Variants in MCU observed in about 807,000 individuals in gnomAD.
The protein encoded by MCU is mitochondrial calcium uniporter, also known as calcium uniporter protein, mitochondrial.
In MCU, 12 loss-of-function variants were observed where a neutral mutation model predicts 45.2. That is an observed-to-expected ratio of 0.27 (90% CI 0.17 to 0.43). MCU has a LOEUF of 0.43. Ranked by LOEUF, MCU falls within the 20% of genes least tolerant of loss-of-function variation. MCU has a pLI of 1.00. For synonymous variants in MCU, 160 were observed against 165.1 expected, an observed-to-expected ratio of 0.97 and a Z score of 0.24; for missense variants, 324 against 436.7, an observed-to-expected ratio of 0.74 and a Z score of 2.30.
At chr10:72,709,447 C>T (rs981004921) in intron 1 of MCU, among the ~76,000 whole-genome samples, 1 of 152,166 alleles carries the variant, frequency 6.6e-6, no homozygotes, top group Non-Finnish European at 1.5e-5. Context: ...GATGGAATTA[C>T]ATTTTTTGGA....
chr10:72,743,394 CAG>C (rs1297023099), intron 1 of MCU, among the ~76,000 whole-genome samples: 8 of 111,710 alleles, frequency 7.2e-5, no homozygotes, highest in Admixed American at 1.4e-4. Flanking sequence ...GCCTGCATGA[CAG>C]AGTGATACTC....
intron 1 of MCU, among the ~76,000 whole-genome samples, chr10:72,713,868 A>T (rs916643773): frequency 2.7e-5 from 4 of 150,552 alleles, no homozygotes; most frequent in Non-Finnish European, 4.4e-5. Flanking sequence ...TTATTTCTTC[A>T]TTGTTTGTTA....
chr10:72,848,776 A>G (rs1010044772), intron 2 of MCU, among the ~76,000 whole-genome samples: 1 of 151,994 alleles, frequency 6.6e-6, no homozygotes, highest in African/African-American at 2.4e-5. Flanking sequence ...GTATAAATGG[A>G]TGGAAATGGT....
At chr10:72,739,557 C>T (rs560112516) in intron 1 of MCU, among the ~76,000 whole-genome samples, 1 of 152,084 alleles carries the variant, frequency 6.6e-6, no homozygotes, top group African/African-American at 2.4e-5. Context: ...AAACATTTTT[C>T]GTTTTAAAGA....
chr10:72,848,176 A>G (rs1180010413), intron 2 of MCU, among the ~76,000 whole-genome samples: 5 of 152,126 alleles, frequency 3.3e-5, no homozygotes, highest in Admixed American at 2.6e-4. Flanking sequence ...TAGTAAATGC[A>G]TTTTTTGACT....
intron 1 of MCU, among the ~76,000 whole-genome samples, chr10:72,822,133 G>A (rs1047186765): frequency 1.8e-4 from 28 of 152,144 alleles, no homozygotes; most frequent in Admixed American, 1.4e-3. Flanking sequence ...AAAATTAACC[G>A]GGCGTGGTGA....
chr10:72,769,065 G>A (rs2132733614), intron 1 of MCU, among the ~76,000 whole-genome samples: 1 of 152,038 alleles, frequency 6.6e-6, no homozygotes, highest in South Asian at 2.1e-4. Flanking sequence ...TGTTGCCCAG[G>A]CTGGTATCTA....
chr10:72,854,213 A>C (rs549573947), intron 2 of MCU, among the ~76,000 whole-genome samples: 1 of 152,166 alleles, frequency 6.6e-6, no homozygotes, highest in South Asian at 2.1e-4. Flanking sequence ...GTATCCAGTG[A>C]GCCCAGTAGT....
intron 1 of MCU, among the ~76,000 whole-genome samples, chr10:72,826,603 T>A (rs571542265): frequency 6.6e-6 from 1 of 152,318 alleles, no homozygotes; most frequent in East Asian, 1.9e-4. Flanking sequence ...CTGAACTGTC[T>A]ATCAAAAAGG....
At chr10:72,803,860 A>C (rs1844378836) in intron 1 of MCU, among the ~76,000 whole-genome samples, 1 of 150,750 alleles carries the variant, frequency 6.6e-6, no homozygotes, top group South Asian at 2.1e-4. Context: ...TATTAACAGT[A>C]TTTTTAATAT....
At chr10:72,853,058 C>G (rs947466370) in intron 2 of MCU, among the ~76,000 whole-genome samples, 3 of 152,114 alleles carry the variant, frequency 2.0e-5, no homozygotes, top group African/African-American at 7.2e-5. Flanking sequence ...TAACATGCAA[C>G]TAATTTAACT....
chr10:72,730,307 CTTTTTTTTT>C (rs1221272053), intron 1 of MCU, among the ~76,000 whole-genome samples: 16 of 124,230 alleles, frequency 1.3e-4, no homozygotes, highest in Admixed American at 1.2e-3. Flanking sequence ...CTTTCTTTTT[CTTTTTTTTT>C]TTTTTTTTTT....
chr10:72,778,314 T>C (rs1312103227), intron 1 of MCU, among the ~76,000 whole-genome samples: 2 of 152,198 alleles, frequency 1.3e-5, no homozygotes, highest in African/African-American at 4.8e-5. Context: ...GAAAATGTGG[T>C]ATATATACAC....
chr10:72,755,707 CATAA>C (rs111635421), intron 1 of MCU, among the ~76,000 whole-genome samples: 3 of 152,286 alleles, frequency 2.0e-5, no homozygotes, highest in African/African-American at 7.2e-5. Flanking sequence ...ACGGCGGAAG[CATAA>C]ATAGATAAAT....
intron 1 of MCU, 149 bp downstream of exon 1, chr10:72,692,450 C>T (rs1842634784): frequency 6.1e-6 from 4 of 660,142 alleles, no homozygotes; most frequent in Non-Finnish European, 5.6e-6. Flanking sequence ...CCGCCGTGCC[C>T]TTCAGGCGCC....
intron 2 of MCU, among the ~76,000 whole-genome samples, chr10:72,854,556 T>C (rs905824582): frequency 6.6e-6 from 1 of 152,202 alleles, no homozygotes; most frequent in African/African-American, 2.4e-5. Context: ...AGTGATATTA[T>C]ATTATTTGAA....
intron 1 of MCU, among the ~76,000 whole-genome samples, chr10:72,717,945 A>G (rs895671865): frequency 6.6e-6 from 1 of 152,188 alleles, no homozygotes; most frequent in Non-Finnish European, 1.5e-5. Context: ...GAATCCCCAT[A>G]TATCCCTCAC....
chr10:72,702,109 TG>T (rs199667073), intron 1 of MCU, among the ~76,000 whole-genome samples: 14 of 145,540 alleles, frequency 9.6e-5, no homozygotes, highest in East Asian at 4.2e-4. Context: ...CAGTCATGGT[TG>T]GGGGGGAGGG....
At chr10:72,838,822 A>G (rs1037223731) in intron 2 of MCU, among the ~76,000 whole-genome samples, 1 of 152,166 alleles carries the variant, frequency 6.6e-6, no homozygotes, top group Admixed American at 6.5e-5. Context: ...GTAATAGATA[A>G]TATATAAATT....
Sources: gnomAD v4.1 joint callset for allele counts (sites outside exome capture counted in the v4.1 genomes callset) on GRCh38, gnomAD v4.1.1 for gene constraint, MANE v1.5 for transcripts, NCBI Gene and HGNC (gene_info 2026-07-23, HGNC 2026-07-21) for gene names.